NCAPD3: variants seen among roughly 807,000 people sequenced by gnomAD.
NCAPD3 encodes non-SMC condensin II complex subunit D3, also known as condensin-2 complex subunit D3.
A neutral mutation model predicts 182.9 loss-of-function variants in NCAPD3; 105 were observed. The ratio of observed to expected loss-of-function variants is 0.57; its 90% CI spans 0.49 to 0.68. The LOEUF (loss-of-function observed/expected upper bound fraction) is 0.68. NCAPD3 is among the 30% of genes least tolerant of loss of function. The pLI is 0.00. For missense variants in NCAPD3, 1,944 were observed against 1,837.0 expected, an observed-to-expected ratio of 1.06 and a Z score of -1.07; for synonymous variants, 815 against 679.9, an observed-to-expected ratio of 1.20 and a Z score of -3.09.
At chr11:134,210,201 T>C in intron 4 of NCAPD3, 69 bp downstream of exon 4, 2 of 1,389,006 alleles carry the variant, frequency 1.4e-6, no homozygotes, top group Admixed American at 2.0e-5. Flanking sequence ...ATGTTTAGTA[T>C]AAAGTCAATC....
intron 27 of NCAPD3, among the ~76,000 whole-genome samples, chr11:134,163,692 CTG>C (rs1214763511): frequency 1.8e-5 from 2 of 113,936 alleles, no homozygotes; most frequent in Non-Finnish European, 1.7e-5. Flanking sequence ...CAGTGTGATA[CTG>C]TGTCTCAAAA....
chr11:134,179,061 C>T (rs548416588), intron 20 of NCAPD3, 125 bp from the exon 21 acceptor site: 30 of 659,058 alleles, frequency 4.6e-5, no homozygotes, highest in African/African-American at 3.6e-4. Context: ...TACTAGTTTT[C>T]GTTTCATAAA....
chr11:134,204,012 A>C lies in NCAPD3; in HGVS notation c.1215+34T>G. The C allele has an allele frequency of 6.2e-7, 1 of 1,603,198 alleles. No homozygotes were observed. The highest frequency in any genetic ancestry group is 1.3e-5 in the African/African-American group (1 of 74,384). Reference sequence around the variant, plus strand: ...AGACCCTTTTAAAAAGAGTTTAAAAAGGACCCAAGGTTTTATGCAGAGCTA... The same window carrying C: ...AGACCCTTTTAAAAAGAGTTTAAAACGGACCCAAGGTTTTATGCAGAGCTA... On this transcript the variant is annotated intron_variant, in intron 10 of 34. Transcript: ENST00000534548. This position sits in a 1 kb window ranked among gnomAD's most constrained non-coding sequence, Gnocchi z 4.3.
chr11:134,216,746 A>G (rs897369913), intron 3 of NCAPD3, among the ~76,000 whole-genome samples, 190 bp downstream of exon 3: 3 of 152,026 alleles, frequency 2.0e-5, no homozygotes, highest in African/African-American at 7.2e-5. Flanking sequence ...GAAAAAAAAA[A>G]GGGGGAAGGT....
In NCAPD3 at chr11:134,209,075, T is replaced by C. The variant is rs1012725362; in HGVS notation, c.794+70A>G. ...GTGCCAATTGGGATAAAATGGTATT[T>C]CCATTTCTGCTGGAGCAAAAATTGG... On this transcript the variant is annotated intron_variant, in intron 6 of 34. Coordinates refer to ENST00000534548, the MANE Select transcript of NCAPD3 (RefSeq NM_015261.3). The C allele has an allele frequency of 6.6e-6, 10 of 1,512,890 alleles. No homozygotes were observed. The African/African-American group carries it at 1.4e-4, about 21-fold the overall frequency. The allele number at this position is 1,512,890 out of a possible 1,614,324, so 93.7% of individuals were successfully genotyped here. A position where few individuals can be genotyped will look rare whatever the true frequency, so the allele number is the denominator to read the frequency against.
At chr11:134,182,580 A>G (rs371948117) in intron 19 of NCAPD3, among the ~76,000 whole-genome samples, 3 of 152,142 alleles carry the variant, frequency 2.0e-5, no homozygotes, top group South Asian at 4.1e-4. Context: ...AATTTCATCA[A>G]CACTTCTCTG....
chr11:134,189,600 A>T (rs1449910066), intron 16 of NCAPD3, among the ~76,000 whole-genome samples: 1 of 152,180 alleles, frequency 6.6e-6, no homozygotes, highest in African/African-American at 2.4e-5. Context: ...TAATGCTCAG[A>T]GAACATTATC....
Position 134,163,871 on chromosome 11 carries a change from CAAAAAAA to C in NCAPD3, c.3574-1987_3574-1981del, listed in dbSNP as rs60340458. Among the ~76,000 whole-genome samples the C allele has an allele frequency of 4.1e-4, 29 of 70,884 alleles. 1 individual carries two copies. The East Asian group carries it at 5.2e-3, about 13-fold the overall frequency. The allele number at this position is 70,884 out of a possible 152,430, so 46.5% of individuals were successfully genotyped here. A position where few individuals can be genotyped will look rare whatever the true frequency, so the allele number is the denominator to read the frequency against. Reference sequence around the variant, plus strand: ...TGGGCGACGCAGTGAGATTCTGTCTCAAAAAAAAAAAAAAAAAAAAAGAAAAAGAAAG... The same window carrying C: ...TGGGCGACGCAGTGAGATTCTGTCTCAAAAAAAAAAAAAAGAAAAAGAAAG... On this transcript the variant is annotated intron_variant, in intron 27 of 34. Coordinates refer to ENST00000534548, the MANE Select transcript of NCAPD3 (RefSeq NM_015261.3).
chr11:134,168,098 C>G lies in NCAPD3; in HGVS notation c.3471G>C (p.Leu1157Phe). The change falls in exon 27 of 35, where the codon TTG becomes TTC. Residue 1157 changes from leucine to phenylalanine, a missense_variant. Leu to Phe is a conservative substitution (Grantham distance 22, BLOSUM62 0). This residue lies in a region of NCAPD3 where 1,803 missense variants were observed against 1,674.6 expected (regional missense o/e 1.08). Transcript: ENST00000534548. ...CTTTGTCTGGTTTAGATCTCATTGC[C>G]AAAAGCTTGATCTCCTTTGAGCTGA... Reference protein sequence around the residue: ...EVLSSKEIKLLAMRSKPDKDL... With the variant: ...EVLSSKEIKLFAMRSKPDKDL... 1 of 1,614,124 alleles carries G rather than the reference C, an allele frequency of 6.2e-7. No individual in the cohort carries two copies.
At chr11:134,206,765 G>A (rs374831192) in intron 7 of NCAPD3, 33 bp from the exon 8 acceptor site, 191 of 1,592,088 alleles carry the variant, frequency 1.2e-4, no homozygotes, top group Middle Eastern at 6.7e-4. Flanking sequence ...ATTTAAGATC[G>A]GATGGAGAAC....
chr11:134,217,869 CAGG>C (rs1258039710), intron 2 of NCAPD3, among the ~76,000 whole-genome samples: 36 of 152,126 alleles, frequency 2.4e-4, no homozygotes, highest in Non-Finnish European at 4.9e-4. Flanking sequence ...GAGGCCAGGG[CAGG>C]AGGACTGCTT....
At chr11:134,220,482 A>C (rs1426331310) in intron 2 of NCAPD3, 90 bp downstream of exon 2, 1 of 1,303,758 alleles carries the variant, frequency 7.7e-7, no homozygotes, top group South Asian at 1.4e-5. Flanking sequence ...TGAACTGTAC[A>C]CCAAGAAAGC....
intron 28 of NCAPD3, among the ~76,000 whole-genome samples, chr11:134,160,787 C>G (rs1458124522): frequency 6.6e-6 from 1 of 152,124 alleles, no homozygotes; most frequent in Admixed American, 6.6e-5. Context: ...ACTTTTCCAG[C>G]TGCCACTAGG....
chr11:134,184,568 T>C (rs1436750059), intron 19 of NCAPD3, 69 bp downstream of exon 19: 1 of 1,135,854 alleles, frequency 8.8e-7, no homozygotes, highest in Non-Finnish European at 1.3e-6. Flanking sequence ...TCCTCACACT[T>C]CAAAACACAT....
chr11:134,185,398 A>G lies in NCAPD3; in HGVS notation c.2174T>C (p.Ile725Thr). Reference protein sequence around the residue: ...SAPAWMLLSKIAGSSPRLDYS... With the variant: ...SAPAWMLLSKTAGSSPRLDYS... ...GTCCAGCCTGGGTGAGGAGCCAGCA[A>G]TCTTGGAGAGCAGCATCCAGGCAGG... Residue 725 changes from isoleucine (I) to threonine (T), a missense_variant, in exon 17 of 35, where the codon ATT (isoleucine) becomes ACT (threonine). Physicochemically the swap from Ile to Thr is moderately conservative, Grantham distance 89 (BLOSUM62 -1). Coordinates refer to ENST00000534548, the MANE Select transcript of NCAPD3 (RefSeq NM_015261.3). 1 of 1,614,096 alleles carries G rather than the reference A, an allele frequency of 6.2e-7. No individual in the cohort carries two copies. Among genetic ancestry groups the G allele is most frequent in the South Asian group, 1.1e-5 (1 of 91,072 alleles).
intron 14 of NCAPD3, among the ~76,000 whole-genome samples, chr11:134,194,374 TATGAACCTATTAAAATCCACCC>T (rs1227750597): frequency 2.0e-5 from 3 of 152,220 alleles, no homozygotes; most frequent in African/African-American, 7.2e-5. Flanking sequence ...CAAACTATTT[TATGAACCTATTAAAATCCACCC>T]ATGGTCCCTA....
rs546021152 is a variant in NCAPD3, at chr11:134,155,040, G to A, written c.4253-1677C>T. On this transcript the variant is annotated intron_variant, in intron 32 of 34. Transcript: ENST00000534548. ...AAATTAGTCTCCCATCTTTACAGAAGCCCGGGTGCGGGGGCTCTGACGTCC... is the reference window on the plus strand; with the variant it reads ...AAATTAGTCTCCCATCTTTACAGAAACCCGGGTGCGGGGGCTCTGACGTCC... Among the ~76,000 whole-genome samples, 8 of 152,294 alleles carry A rather than the reference G, an allele frequency of 5.3e-5. No homozygotes were observed. In the East Asian group the frequency reaches 1.5e-3, roughly 29 times the overall value.
intron 26 of NCAPD3, 68 bp downstream of exon 26, chr11:134,168,401 T>C: frequency 1.3e-6 from 2 of 1,599,028 alleles, no homozygotes; most frequent in East Asian, 2.2e-5. Flanking sequence ...AGAGGCCTGC[T>C]GGGCCATTAT....
Position 134,209,456 on chromosome 11 carries a change from G to T in NCAPD3, c.589C>A (p.Gln197Lys), listed in dbSNP as rs376989765. The T allele has an allele frequency of 6.2e-7, 1 of 1,611,580 alleles. No homozygotes were observed. Among genetic ancestry groups the T allele is most frequent in the Admixed American group, 1.7e-5 (1 of 59,842 alleles). The part of the protein sequence containing the change: ...DIEMDEIIEE[Q>K]EDENICFSAR... ...GAAAAACAAATATTCTCATCTTCTT[G>T]TTCTTCTATAATTTCATCCATCTAG... is the stretch of plus-strand genomic sequence containing the variant. Residue 197 changes from glutamine (Q) to lysine (K), a missense_variant, in exon 5 of 35, where the codon CAA (glutamine) becomes AAA (lysine). Physicochemically the swap from Gln to Lys is moderately conservative, Grantham distance 53. Coordinates refer to ENST00000534548, the MANE Select transcript of NCAPD3 (RefSeq NM_015261.3).
Sources: allele counts gnomAD v4.1 joint callset (sites outside exome capture counted in the v4.1 genomes callset), GRCh38; gene constraint gnomAD v4.1.1; regional missense constraint gnomAD v4.1.1; non-coding constraint Gnocchi (gnomAD v3.1); transcripts MANE v1.5; gene names NCBI Gene and HGNC (gene_info 2026-07-23, HGNC 2026-07-21).